The following KALRN variants were observed in gnomAD, a reference collection of about 807,000 sequenced individuals.
KALRN encodes kalirin.
KALRN carries 70 observed loss-of-function variants against 353.7 expected under a neutral mutation model. The ratio of observed to expected loss-of-function variants is 0.20; its 90% CI spans 0.16 to 0.24. The LOEUF (loss-of-function observed/expected upper bound fraction) is 0.24, where lower values mean the gene tolerates loss of function less well. KALRN is among the 10% of genes least tolerant of loss of function. KALRN has a pLI of 1.00. For missense variants in KALRN, 2,791 were observed against 3,756.7 expected, an observed-to-expected ratio of 0.74 and a Z score of 6.72; for synonymous variants, 1,391 against 1,434.8, an observed-to-expected ratio of 0.97 and a Z score of 0.69.
chr3:124,720,914 A>C lies in KALRN; in HGVS notation c.*1444A>C, dbSNP rs1195329467. The C allele has an allele frequency of 2.0e-5, 3 of 152,208 alleles. No homozygotes were observed. Among genetic ancestry groups the C allele is most frequent in the Non-Finnish European group, 2.9e-5 (2 of 68,038 alleles). 9.4% of individuals were successfully genotyped at this position (152,208 alleles called of 1,614,324 possible). On this transcript the variant is annotated 3_prime_UTR_variant, in exon 60 of 60. Coordinates refer to ENST00000682506, the MANE Select transcript of KALRN (RefSeq NM_001388419.1). Reference sequence around the variant, plus strand: ...CTTAGTTTTCTAGAATGTGTGTTGAAAATTGCGATTATACAAGTAAGATTT... The same window carrying C: ...CTTAGTTTTCTAGAATGTGTGTTGACAATTGCGATTATACAAGTAAGATTT...
At chr3:124,613,429 G>C (rs981113468) in intron 34 of KALRN, among the ~76,000 whole-genome samples, 1 of 152,178 alleles carries the variant, frequency 6.6e-6, no homozygotes, top group South Asian at 2.1e-4. Context: ...TTGAAATACT[G>C]CTAGTAAGTC....
intron 1 of KALRN, among the ~76,000 whole-genome samples, chr3:124,128,459 G>T (rs993282283): frequency 6.6e-6 from 1 of 152,130 alleles, no homozygotes; most frequent in Non-Finnish European, 1.5e-5. Context: ...ATAAACTTTT[G>T]GGCTGAGAAT....
chr3:124,278,620 G>C (rs567566548), intron 5 of KALRN, among the ~76,000 whole-genome samples: 1 of 152,118 alleles, frequency 6.6e-6, no homozygotes, highest in Admixed American at 6.5e-5. Flanking sequence ...GGAGGAGAGT[G>C]TAGGGCAGTG....
chr3:124,491,553 A>G, intron 31 of KALRN, 129 bp downstream of exon 31: 1 of 542,284 alleles, frequency 1.8e-6, no homozygotes, highest in Non-Finnish European at 3.0e-6. Context: ...GAATGGCAGC[A>G]TCACGTGGGC....
At chr3:124,367,469 C>T (rs2085006447) in intron 10 of KALRN, among the ~76,000 whole-genome samples, 1 of 99,932 alleles carries the variant, frequency 1.0e-5, no homozygotes, top group African/African-American at 4.5e-5. Flanking sequence ...GGGCTGACCC[C>T]CCCACCTCCC....
chr3:124,144,039 A>T lies in KALRN; in HGVS notation c.74-83951A>T, dbSNP rs776628850. Among the ~76,000 whole-genome samples the T allele has an allele frequency of 2.6e-5, 4 of 152,202 alleles. No homozygotes were observed. The Middle Eastern group carries it at 0.014, about 518-fold the overall frequency. On this transcript the variant is annotated intron_variant, in intron 1 of 59. Coordinates refer to ENST00000682506, the MANE Select transcript of KALRN (RefSeq NM_001388419.1). Reference sequence around the variant, plus strand: ...CTTTTTTCTTTTTCTGGCCTGAAAAATAAGTGTTGGATTTCACAACTGACT... The same window carrying T: ...CTTTTTTCTTTTTCTGGCCTGAAAATTAAGTGTTGGATTTCACAACTGACT...
intron 9 of KALRN, among the ~76,000 whole-genome samples, chr3:124,345,311 G>A (rs894512013): frequency 3.9e-5 from 6 of 152,182 alleles, no homozygotes; most frequent in Non-Finnish European, 7.3e-5. Flanking sequence ...GTGACTACAA[G>A]TATTTACCTT....
chr3:124,043,463 G>A (rs537808697), intron 1 of KALRN, among the ~76,000 whole-genome samples: 1 of 152,302 alleles, frequency 6.6e-6, no homozygotes, highest in African/African-American at 2.4e-5. Context: ...TGAGCCTGGA[G>A]GGGTGGATCT....
chr3:124,549,338 C>T (rs1466222919), intron 33 of KALRN, among the ~76,000 whole-genome samples: 10 of 146,930 alleles, frequency 6.8e-5, no homozygotes, highest in African/African-American at 2.5e-4. Flanking sequence ...CACACACACA[C>T]ACACACACAC....
chr3:124,314,352 G>C (rs1161651671), intron 6 of KALRN, among the ~76,000 whole-genome samples: 1 of 120,228 alleles, frequency 8.3e-6, no homozygotes, highest in Non-Finnish European at 1.7e-5. Flanking sequence ...GCCTGTTGTG[G>C]GGTGGGGGGA....
chr3:124,546,400 A>G (rs893575020), intron 33 of KALRN, among the ~76,000 whole-genome samples: 81 of 151,998 alleles, frequency 5.3e-4, no homozygotes, highest in African/African-American at 1.9e-3. Flanking sequence ...GCAGGTCAAG[A>G]CTGCAATAAA....
At chr3:124,129,480 G>A (rs1007413697) in intron 1 of KALRN, among the ~76,000 whole-genome samples, 2 of 152,162 alleles carry the variant, frequency 1.3e-5, no homozygotes, top group African/African-American at 2.4e-5. Context: ...TTTAAGGGTG[G>A]TATGTTTTGT....
In KALRN at chr3:124,592,437, G is replaced by A. The variant is rs541796115; in HGVS notation, c.5182+29348G>A. ...GCAACCCGATTTTTGAAGTTTGGAT[G>A]CTGAGCATCTACATTATAAAAAAAA... On this transcript the variant is annotated intron_variant, in intron 34 of 59. Coordinates refer to ENST00000682506, the MANE Select transcript of KALRN (RefSeq NM_001388419.1). Among the ~76,000 whole-genome samples, 55 of 151,670 alleles carry A rather than the reference G, an allele frequency of 3.6e-4. 1 individual carries two copies. In the South Asian group the frequency reaches 0.011, roughly 32 times the overall value.
At position 124,369,923 on chromosome 3, in the gene KALRN, A is replaced by C. The variant is rs529907748; in HGVS notation, c.1771-14922A>C. 3.9e-5 allele frequency among the ~76,000 whole-genome samples: 6 copies of C among 152,294 alleles called. No individual in the cohort carries two copies. In the East Asian group the frequency reaches 9.6e-4, roughly 24 times the overall value. On this transcript the variant is annotated intron_variant, in intron 10 of 59. Coordinates refer to ENST00000682506, the MANE Select transcript of KALRN (RefSeq NM_001388419.1). ...AGCATAACATATTCTAGGTCCATTC[A>C]TGTTGTCAAAAATGACAGGATCTCC...
At chr3:124,449,579 T>C (rs2058579447) in intron 21 of KALRN, among the ~76,000 whole-genome samples, 1 of 152,224 alleles carries the variant, frequency 6.6e-6, no homozygotes, top group Non-Finnish European at 1.5e-5. Flanking sequence ...GTTTTTCATT[T>C]TTTACAAATT....
At chr3:124,164,854 A>C (rs2070565106) in intron 1 of KALRN, among the ~76,000 whole-genome samples, 1 of 152,228 alleles carries the variant, frequency 6.6e-6, no homozygotes, top group African/African-American at 2.4e-5. Context: ...AAGAAGCAGC[A>C]TGGTTTTGTG....
At chr3:124,183,689 C>G (rs1276452016) in intron 1 of KALRN, among the ~76,000 whole-genome samples, 1 of 152,182 alleles carries the variant, frequency 6.6e-6, no homozygotes, top group African/African-American at 2.4e-5. Flanking sequence ...GCCAACCCTG[C>G]TCGACCTTGA....
At chr3:124,439,137 CTCTT>C (rs1411030331) in intron 18 of KALRN, 100 bp downstream of exon 18, 9 of 1,169,102 alleles carry the variant, frequency 7.7e-6, no homozygotes, top group Non-Finnish European at 1.1e-5. Context: ...CTCTTTCTCT[CTCTT>C]TCTCTTTCTC....
chr3:124,679,021 T>C (rs546229347), intron 50 of KALRN, among the ~76,000 whole-genome samples: 1 of 152,326 alleles, frequency 6.6e-6, no homozygotes, highest in South Asian at 2.1e-4. Flanking sequence ...CTGATTATTA[T>C]AGCACTAATT....
Sources: gnomAD v4.1 joint callset for allele counts (sites outside exome capture counted in the v4.1 genomes callset) on GRCh38, gnomAD v4.1.1 for gene constraint, MANE v1.5 for transcripts, NCBI Gene and HGNC (gene_info 2026-07-23, HGNC 2026-07-21) for gene names.